Variants in NRCAM observed in about 807,000 individuals in gnomAD.
The protein encoded by NRCAM is NgCAM-related cell adhesion molecule.
In NRCAM, 83 loss-of-function variants were observed where a neutral mutation model predicts 156.5. The ratio of observed to expected loss-of-function variants is 0.53; its 90% CI spans 0.44 to 0.64. The LOEUF (loss-of-function observed/expected upper bound fraction) is 0.64, where lower values mean the gene tolerates loss of function less well. NRCAM is among the 30% of genes least tolerant of loss of function. The pLI, the probability that NRCAM is intolerant of heterozygous loss-of-function variation, is 0.00. For synonymous variants in NRCAM, 538 were observed against 563.9 expected (o/e 0.95, Z 0.65); for missense variants, 1,417 against 1,597.3 (o/e 0.89, Z 1.92).
At chr7:108,442,619 G>C (rs954370620) in intron 1 of NRCAM, among the ~76,000 whole-genome samples, 1 of 152,216 alleles carries the variant, frequency 6.6e-6, no homozygotes, top group Non-Finnish European at 1.5e-5. Context: ...TTACCAGCTG[G>C]TGATTTACCA....
chr7:108,346,739 C>G (rs2099357517), intron 2 of NRCAM, among the ~76,000 whole-genome samples: 1 of 152,182 alleles, frequency 6.6e-6, no homozygotes, highest in Non-Finnish European at 1.5e-5. Flanking sequence ...CTAGAGCATG[C>G]TGTCCAATCC....
At chr7:108,272,009 G>T (rs1463248221) in intron 3 of NRCAM, among the ~76,000 whole-genome samples, 1 of 152,098 alleles carries the variant, frequency 6.6e-6, no homozygotes, top group Non-Finnish European at 1.5e-5. Context: ...GAGCAAAAAG[G>T]GAAAAAGCTA....
intron 2 of NRCAM, among the ~76,000 whole-genome samples, chr7:108,323,720 G>A (rs997753082): frequency 1.3e-5 from 2 of 152,080 alleles, no homozygotes; most frequent in African/African-American, 4.8e-5. Context: ...AAGATAAATA[G>A]TAATTAAAAT....
chr7:108,328,201 C>G (rs937341524), intron 2 of NRCAM, among the ~76,000 whole-genome samples: 2 of 152,148 alleles, frequency 1.3e-5, no homozygotes, highest in Non-Finnish European at 2.9e-5. Context: ...CTATGTGAAA[C>G]AAACTCCACT....
chr7:108,394,468 G>A (rs558902642), intron 2 of NRCAM, among the ~76,000 whole-genome samples: 3 of 152,272 alleles, frequency 2.0e-5, no homozygotes, highest in Middle Eastern at 3.4e-3. Flanking sequence ...TATGTGTAGG[G>A]CAAGAGGAGT....
Position 108,231,162 on chromosome 7 carries a change from T to A in NRCAM, c.428-9A>T. The A allele has an allele frequency of 1.9e-6, 3 of 1,561,400 alleles. No individual in the cohort carries two copies. Among genetic ancestry groups the A allele is most frequent in the African/African-American group, 1.4e-5 (1 of 71,572 alleles). On this transcript the variant is annotated splice_polypyrimidine_tract_variant and intron_variant, in intron 7 of 32. Transcript: ENST00000379028. ...GGTCCACAATGGTGATCCTATTAAATAAAAAAATAACTTCTCAGTTATTTC... is the reference window on the plus strand; with the variant it reads ...GGTCCACAATGGTGATCCTATTAAAAAAAAAAATAACTTCTCAGTTATTTC...
intron 2 of NRCAM, among the ~76,000 whole-genome samples, chr7:108,381,295 G>A (rs1395367774): frequency 6.6e-6 from 1 of 151,920 alleles, no homozygotes; most frequent in Non-Finnish European, 1.5e-5. Context: ...TAAACTCAAG[G>A]GAAGAAAATA....
intron 1 of NRCAM, among the ~76,000 whole-genome samples, chr7:108,410,372 A>G (rs1391830922): frequency 1.3e-5 from 2 of 152,222 alleles, no homozygotes; most frequent in Admixed American, 6.5e-5. Flanking sequence ...TTTCATAGAA[A>G]GACTAGGGGA....
chr7:108,346,398 T>C (rs1053720515), intron 2 of NRCAM, among the ~76,000 whole-genome samples: 15 of 152,346 alleles, frequency 9.8e-5, no homozygotes, highest in Non-Finnish European at 5.9e-5. Context: ...TGTTGAAGTA[T>C]ATTATCCAGT....
intron 2 of NRCAM, among the ~76,000 whole-genome samples, chr7:108,395,617 GT>G (rs757666387): frequency 2.6e-5 from 4 of 152,196 alleles, no homozygotes; most frequent in African/African-American, 4.8e-5. Flanking sequence ...CCCAATAGGA[GT>G]TTTCCCATAC....
chr7:108,400,823 G>T (rs1010746677), intron 1 of NRCAM, among the ~76,000 whole-genome samples: 1 of 152,052 alleles, frequency 6.6e-6, no homozygotes, highest in African/African-American at 2.4e-5. Context: ...AAAGCCAGAT[G>T]GATCATGACC....
intron 20 of NRCAM, among the ~76,000 whole-genome samples, chr7:108,187,876 A>G (rs1356159673): frequency 6.6e-6 from 1 of 151,958 alleles, no homozygotes; most frequent in Non-Finnish European, 1.5e-5. Context: ...AATGGCGTGA[A>G]CCCGGGAGGC....
chr7:108,366,678 A>C lies in NRCAM; in HGVS notation c.-174+32758T>G, dbSNP rs115000847. 7.0e-3 allele frequency among the ~76,000 whole-genome samples: 1,068 copies of C among 152,340 alleles called. 16 individuals are homozygous for C. Among genetic ancestry groups the C allele is most frequent in the African/African-American group, 0.025 (1,033 of 41,578 alleles). ...TTAACAGGGTGCCTGGCAGGCAGTGAGTGTCCCACAAAAAGTCAACCAAAA... is the reference window on the plus strand; with the variant it reads ...TTAACAGGGTGCCTGGCAGGCAGTGCGTGTCCCACAAAAAGTCAACCAAAA... On this transcript the variant is annotated intron_variant, in intron 2 of 32. Transcript: ENST00000379028.
At chr7:108,412,683 T>A (rs1796899031) in intron 1 of NRCAM, among the ~76,000 whole-genome samples, 1 of 152,126 alleles carries the variant, frequency 6.6e-6, no homozygotes, top group African/African-American at 2.4e-5. Flanking sequence ...TTGACCAACA[T>A]CTCCCAAACC....
rs1321850700 is a variant in NRCAM at position 108,261,825 on chromosome 7, C to T, written c.-106-21655G>A. Among the ~76,000 whole-genome samples the T allele has an allele frequency of 2.0e-5, 3 of 152,180 alleles. No homozygotes were observed. In the East Asian group the frequency reaches 5.8e-4, roughly 29 times the overall value. On this transcript the variant is annotated intron_variant, in intron 3 of 32. Transcript: ENST00000379028. ...TGGTTAATAGTTCTAGAAATCCACT[C>T]TGCACTCAAGCACAACCCAGCAGTG... is the stretch of plus-strand genomic sequence containing the variant.
chr7:108,383,442 C>T (rs553218491), intron 2 of NRCAM, among the ~76,000 whole-genome samples: 8 of 152,286 alleles, frequency 5.3e-5, no homozygotes, highest in Admixed American at 3.9e-4. Flanking sequence ...ACAGCCAGAA[C>T]GATACTTCCA....
At chr7:108,388,675 G>C (rs1447926611) in intron 2 of NRCAM, among the ~76,000 whole-genome samples, 3 of 152,110 alleles carry the variant, frequency 2.0e-5, no homozygotes. Context: ...TTTTCTTCTA[G>C]GGTTTTTATG....
intron 2 of NRCAM, among the ~76,000 whole-genome samples, chr7:108,388,304 G>A (rs1278356260): frequency 6.6e-6 from 1 of 152,176 alleles, no homozygotes; most frequent in East Asian, 1.9e-4. Flanking sequence ...TTTCCCTGAT[G>A]GCCAGTGATG....
chr7:108,390,645 G>T (rs1457376564), intron 2 of NRCAM, among the ~76,000 whole-genome samples: 1 of 152,084 alleles, frequency 6.6e-6, no homozygotes, highest in African/African-American at 2.4e-5. Context: ...TGCTTCTCTA[G>T]ATCTTTTAAT....
Sources: gnomAD v4.1 joint callset for allele counts (sites outside exome capture counted in the v4.1 genomes callset) on GRCh38, gnomAD v4.1.1 for gene constraint, MANE v1.5 for transcripts, NCBI Gene and HGNC (gene_info 2026-07-23, HGNC 2026-07-21) for gene names.